The following PAQR5 variants were observed in gnomAD, a reference collection of about 807,000 sequenced individuals.
The protein encoded by PAQR5 is membrane progestin receptor gamma.
Under a neutral mutation model 34.5 loss-of-function variants are expected in PAQR5, and 20 were observed. The observed-to-expected ratio is 0.58, with a 90% CI of 0.41 to 0.84. The LOEUF is 0.84. PAQR5 is among the 40% of genes least tolerant of loss of function. PAQR5 has a pLI of 0.00. For synonymous variants in PAQR5, 131 were observed against 155.6 expected (o/e 0.84, Z 1.18); for missense variants, 378 against 412.7 (o/e 0.92, Z 0.73).
intron 1 of PAQR5, among the ~76,000 whole-genome samples, chr15:69,312,555 C>G (rs1372184073): frequency 6.6e-6 from 1 of 151,620 alleles, no homozygotes; most frequent in Admixed American, 6.6e-5. Flanking sequence ...AGCGGGGGAA[C>G]TTCGCTCCCA....
chr15:69,401,319 C>T (rs774844938), intron 8 of PAQR5, among the ~76,000 whole-genome samples: 7 of 152,232 alleles, frequency 4.6e-5, no homozygotes, highest in African/African-American at 9.6e-5. Context: ...TTTCCATCTC[C>T]TCTCACTAAA....
At chr15:69,389,843 T>A (rs935399648) in intron 6 of PAQR5, 63 bp downstream of exon 6, 1 of 1,563,318 alleles carries the variant, frequency 6.4e-7, no homozygotes, top group Non-Finnish European at 8.8e-7. Context: ...CTCCCTGCAC[T>A]CTTTGAGGGA....
chr15:69,375,032 G>C (rs1373101169), intron 3 of PAQR5, among the ~76,000 whole-genome samples: 1 of 152,234 alleles, frequency 6.6e-6, no homozygotes, highest in African/African-American at 2.4e-5. Flanking sequence ...ACTTGCAGAA[G>C]AAAGTTTCAG....
chr15:69,315,161 G>A lies in PAQR5; in HGVS notation c.-277+16105G>A, dbSNP rs368716061. ...CACGTCTTAGGAGTCCTTGCCCAGAGCTCCTTTCCCCACAGACTGTTTATG... is the reference window on the plus strand; with the variant it reads ...CACGTCTTAGGAGTCCTTGCCCAGAACTCCTTTCCCCACAGACTGTTTATG... On this transcript the variant is annotated intron_variant, in intron 1 of 8. Coordinates refer to ENST00000395407, the MANE Select transcript of PAQR5 (RefSeq NM_017705.4). 1.0e-3 allele frequency among the ~76,000 whole-genome samples: 156 copies of A among 152,126 alleles called. 1 individual carries two copies. Among genetic ancestry groups the A allele is most frequent in the African/African-American group, 3.5e-3 (146 of 41,496 alleles).
At chr15:69,394,652 C>G (rs567066993) in intron 6 of PAQR5, among the ~76,000 whole-genome samples, 1 of 152,336 alleles carries the variant, frequency 6.6e-6, no homozygotes, top group South Asian at 2.1e-4. Context: ...GAGCAGAGAC[C>G]TCACTTCCTC....
chr15:69,357,559 T>A (rs1485546393), intron 2 of PAQR5, among the ~76,000 whole-genome samples: 3 of 152,190 alleles, frequency 2.0e-5, no homozygotes, highest in African/African-American at 7.2e-5. Flanking sequence ...CTACCACACT[T>A]GGCCTCAGGT....
intron 1 of PAQR5, among the ~76,000 whole-genome samples, chr15:69,307,819 C>G (rs1202604640): frequency 6.6e-6 from 1 of 152,072 alleles, no homozygotes; most frequent in Non-Finnish European, 1.5e-5. Flanking sequence ...GTAGAGGGAG[C>G]AAGTCTGAAG....
intron 3 of PAQR5, among the ~76,000 whole-genome samples, chr15:69,376,204 CAAAT>C: frequency 6.6e-6 from 1 of 152,268 alleles, no homozygotes; most frequent in South Asian, 2.1e-4. Context: ...TTCTGCTGTG[CAAAT>C]AAGCAGGCAC....
intron 1 of PAQR5, among the ~76,000 whole-genome samples, chr15:69,332,185 G>A (rs908800126): frequency 6.6e-6 from 1 of 152,216 alleles, no homozygotes; most frequent in Non-Finnish European, 1.5e-5. Flanking sequence ...CAAATCTGCT[G>A]TACTTTGTGC....
chr15:69,359,921 G>A (rs2055188643), intron 2 of PAQR5, 45 bp from the exon 3 acceptor site: 1 of 622,848 alleles, frequency 1.6e-6, no homozygotes, highest in Non-Finnish European at 2.9e-6. Context: ...CCCAGCTGGA[G>A]TTAGGCTGAA....
At chr15:69,379,788 C>T (rs1434442224) in intron 3 of PAQR5, 95 bp from the exon 4 acceptor site, 53 of 1,475,964 alleles carry the variant, frequency 3.6e-5, no homozygotes, top group Middle Eastern at 2.1e-4. Flanking sequence ...TCAAGCGTTC[C>T]AGGCACACAG....
chr15:69,362,993 C>A (rs777183376), intron 3 of PAQR5, among the ~76,000 whole-genome samples: 4 of 152,228 alleles, frequency 2.6e-5, no homozygotes, highest in African/African-American at 7.2e-5. Context: ...CTTTGCTCCC[C>A]CTTTGTGACT....
intron 2 of PAQR5, among the ~76,000 whole-genome samples, chr15:69,355,485 A>G (rs1399873926): frequency 7.1e-6 from 1 of 141,286 alleles, no homozygotes; most frequent in Non-Finnish European, 1.5e-5. Context: ...TAGTGGTGAG[A>G]TCTCGGCTCA....
At chr15:69,356,451 T>A (rs1159531441) in intron 2 of PAQR5, among the ~76,000 whole-genome samples, 1 of 152,220 alleles carries the variant, frequency 6.6e-6, no homozygotes, top group East Asian at 1.9e-4. Context: ...ATTCTATAAT[T>A]TTGAAATTGT....
intron 1 of PAQR5, among the ~76,000 whole-genome samples, chr15:69,333,101 C>A (rs1212501150): frequency 6.6e-6 from 1 of 151,896 alleles, no homozygotes; most frequent in African/African-American, 2.4e-5. Flanking sequence ...AAGGTTTTTT[C>A]TTCTCAGTTG....
chr15:69,379,667 A>G, intron 3 of PAQR5: 1 of 888,504 alleles, frequency 1.1e-6, no homozygotes, highest in Non-Finnish European at 1.3e-6. Context: ...CTGGCCCTTG[A>G]ATTCCCTCCC....
intron 2 of PAQR5, among the ~76,000 whole-genome samples, chr15:69,342,966 G>T (rs1308967823): frequency 6.6e-6 from 1 of 152,212 alleles, no homozygotes; most frequent in African/African-American, 2.4e-5. Flanking sequence ...TGGCTTCCCT[G>T]TCCTGACATC....
At chr15:69,394,911 C>A (rs560231710) in intron 6 of PAQR5, among the ~76,000 whole-genome samples, 34 of 152,356 alleles carry the variant, frequency 2.2e-4, no homozygotes, top group Non-Finnish European at 3.8e-4. Flanking sequence ...CTTCTCTTTT[C>A]CCTCTAGACC....
rs538833030 is a variant in PAQR5, at chr15:69,343,128, C to G, written c.-116+5627C>G. 1.2e-3 allele frequency among the ~76,000 whole-genome samples: 183 copies of G among 152,362 alleles called. 1 individual carries two copies. The highest frequency in any genetic ancestry group is 4.3e-3 in the African/African-American group (177 of 41,592). On this transcript the variant is annotated intron_variant, in intron 2 of 8. Transcript: ENST00000395407. Reference sequence around the variant, plus strand: ...TGGCTTCTCAGAAGCTTCCCAGTCTCATGTTTCCATTTTAAAGCAAGCATG... The same window carrying G: ...TGGCTTCTCAGAAGCTTCCCAGTCTGATGTTTCCATTTTAAAGCAAGCATG...
Sources: gnomAD v4.1 joint callset for allele counts (sites outside exome capture counted in the v4.1 genomes callset) on GRCh38, gnomAD v4.1.1 for gene constraint, MANE v1.5 for transcripts, NCBI Gene and HGNC (gene_info 2026-07-23, HGNC 2026-07-21) for gene names.